The following ZNF385D variants were observed in gnomAD, a reference collection of about 807,000 sequenced individuals.
ZNF385D encodes zinc finger protein 385D, also known as zinc finger protein 659.
A neutral mutation model predicts 35.8 loss-of-function variants in ZNF385D; 15 were observed. That is an observed-to-expected ratio of 0.42 (90% CI 0.28 to 0.64). The LOEUF is 0.64. Among genes scored for constraint, ZNF385D ranks in the 30% least tolerant of loss-of-function variants. ZNF385D has a pLI of 0.23. For missense variants in ZNF385D, 474 were observed against 494.6 expected (o/e 0.96, Z 0.39); for synonymous variants, 212 against 186.8 (o/e 1.13, Z -1.10).
chr3:21,673,984 T>A (rs2066650537), intron 1 of ZNF385D, among the ~76,000 whole-genome samples: 1 of 152,122 alleles, frequency 6.6e-6, no homozygotes, highest in Non-Finnish European at 1.5e-5. Context: ...TAGGCTTTGG[T>A]CATCTCACTC....
intron 3 of ZNF385D, among the ~76,000 whole-genome samples, chr3:22,056,506 C>G (rs1013551004): frequency 6.6e-6 from 1 of 151,982 alleles, no homozygotes; most frequent in African/African-American, 2.4e-5. Flanking sequence ...ATCCATGACC[C>G]GTTATAGGGT....
upstream of ZNF385D, among the ~76,000 whole-genome samples, chr3:21,755,120 T>G (rs114147179): frequency 2.6e-5 from 4 of 152,330 alleles, no homozygotes; most frequent in African/African-American, 9.6e-5. Context: ...GAGACTTAGA[T>G]TCAGCATGAG....
At chr3:22,296,769 C>G (rs1702605561) in intron 2 of ZNF385D, among the ~76,000 whole-genome samples, 1 of 152,054 alleles carries the variant, frequency 6.6e-6, no homozygotes, top group South Asian at 2.1e-4. Context: ...GTTGAGTTTC[C>G]CCACAGCATA....
intron 1 of ZNF385D, among the ~76,000 whole-genome samples, chr3:21,739,201 A>G (rs2069388621): frequency 6.6e-6 from 1 of 152,178 alleles, no homozygotes; most frequent in African/African-American, 2.4e-5. Context: ...CACTACCGAA[A>G]AGTCACTTGC....
intron 2 of ZNF385D, among the ~76,000 whole-genome samples, chr3:22,325,229 T>TA (rs1694623369): frequency 6.6e-6 from 1 of 152,146 alleles, no homozygotes; most frequent in South Asian, 2.1e-4. Flanking sequence ...TTTTTAGAGT[T>TA]TGGAATTAAG....
chr3:21,975,917 G>C (rs1359737067), intron 3 of ZNF385D, among the ~76,000 whole-genome samples: 1 of 152,026 alleles, frequency 6.6e-6, no homozygotes, highest in Non-Finnish European at 1.5e-5. Context: ...CAAGCATCAA[G>C]TGTGTTGAAA....
intron 3 of ZNF385D, among the ~76,000 whole-genome samples, chr3:22,078,746 A>G (rs1362402984): frequency 6.6e-6 from 1 of 152,120 alleles, no homozygotes; most frequent in Non-Finnish European, 1.5e-5. Context: ...TTGCAGAAGT[A>G]AATGTCATAA....
intron 3 of ZNF385D, among the ~76,000 whole-genome samples, chr3:21,931,391 C>G (rs552847580): frequency 6.6e-6 from 1 of 152,218 alleles, no homozygotes; most frequent in South Asian, 2.1e-4. Flanking sequence ...TTGGCAATTT[C>G]TGAAAATGTT....
intron 3 of ZNF385D, among the ~76,000 whole-genome samples, chr3:21,900,413 C>A (rs2125896939): frequency 1.3e-5 from 2 of 152,204 alleles, no homozygotes; most frequent in Middle Eastern, 6.8e-3. Context: ...ATTGTGACCT[C>A]TTTATAATAA....
chr3:21,677,770 G>A (rs952175331), intron 1 of ZNF385D, among the ~76,000 whole-genome samples: 9 of 151,886 alleles, frequency 5.9e-5, no homozygotes, highest in African/African-American at 2.2e-4. Context: ...TACATAGGCT[G>A]TTAATTTTCA....
At chr3:22,066,329 T>C (rs1699947871) in intron 3 of ZNF385D, among the ~76,000 whole-genome samples, 1 of 151,408 alleles carries the variant, frequency 6.6e-6, no homozygotes, top group Non-Finnish European at 1.5e-5. Flanking sequence ...TATGTGTGTG[T>C]ATTAGTAAAA....
chr3:22,014,207 CT>C (rs75125829), intron 3 of ZNF385D, among the ~76,000 whole-genome samples: 7,741 of 150,908 alleles, frequency 0.051, 284 homozygotes, highest in East Asian at 0.16. Flanking sequence ...TGGCTGCTAC[CT>C]TTTTTTTTAA....
At chr3:21,810,473 G>A (rs1320869123) in intron 3 of ZNF385D, among the ~76,000 whole-genome samples, 1 of 151,976 alleles carries the variant, frequency 6.6e-6, no homozygotes, top group Non-Finnish European at 1.5e-5. Context: ...GTATACATAT[G>A]TATCAAACCT....
intron 3 of ZNF385D, among the ~76,000 whole-genome samples, chr3:21,762,120 G>A (rs2070644363): frequency 6.6e-6 from 1 of 151,802 alleles, no homozygotes; most frequent in Non-Finnish European, 1.5e-5. Flanking sequence ...CTCGTGATCT[G>A]CCTGCCTCAG....
intron 3 of ZNF385D, among the ~76,000 whole-genome samples, chr3:21,848,627 A>G (rs1433595226): frequency 6.6e-6 from 1 of 152,052 alleles, no homozygotes; most frequent in Non-Finnish European, 1.5e-5. Flanking sequence ...AACAAATTGG[A>G]CAATCTAAAA....
chr3:21,730,734 G>A (rs1324553379), intron 1 of ZNF385D, among the ~76,000 whole-genome samples: 1 of 152,236 alleles, frequency 6.6e-6, no homozygotes, highest in East Asian at 1.9e-4. Context: ...TTATAGTAGT[G>A]TAGCTATCAA....
chr3:21,414,775 A>G lies in ZNF385D; in HGVS notation c.*6439T>C, dbSNP rs548910629. On this transcript the variant is annotated 3_prime_UTR_variant, in exon 8 of 8. Coordinates refer to ENST00000281523, the MANE Select transcript of ZNF385D (RefSeq NM_024697.3). ...TTGGCCACAAGGCTTTTTCGCCAAT[A>G]TCCAGTACTTCCACACATTTTTCTA... 1 of 152,184 alleles carries G rather than the reference A, an allele frequency of 6.6e-6. No homozygotes were observed. Among genetic ancestry groups the G allele is most frequent in the East Asian group, 1.9e-4 (1 of 5,160 alleles). The allele number at this position is 152,184 out of a possible 1,614,324, so 9.4% of individuals were successfully genotyped here.
At chr3:22,278,151 T>G (rs1193335348) in intron 2 of ZNF385D, among the ~76,000 whole-genome samples, 2 of 152,092 alleles carry the variant, frequency 1.3e-5, no homozygotes, top group Admixed American at 1.3e-4. Context: ...ACACCCAACA[T>G]GGCCTACAAC....
intron 2 of ZNF385D, among the ~76,000 whole-genome samples, chr3:22,341,764 ACT>A (rs1035184494): frequency 1.7e-4 from 26 of 152,260 alleles, no homozygotes; most frequent in Middle Eastern, 3.4e-3. Context: ...TGAAATTATA[ACT>A]CTGAGCTCTT....
Sources: allele counts gnomAD v4.1 joint callset (sites outside exome capture counted in the v4.1 genomes callset), GRCh38; gene constraint gnomAD v4.1.1; transcripts MANE v1.5; gene names NCBI Gene and HGNC (gene_info 2026-07-23, HGNC 2026-07-21).